DOCK7: variants seen among roughly 807,000 people sequenced by gnomAD.
DOCK7 encodes the protein dedicator of cytokinesis 7, also known as dedicator of cytokinesis protein 7.
DOCK7 carries 138 observed loss-of-function variants against 271.0 expected under a neutral mutation model. That is an observed-to-expected ratio of 0.51 (90% CI 0.44 to 0.59). The LOEUF (loss-of-function observed/expected upper bound fraction) is 0.59. Ranked by LOEUF, DOCK7 falls within the 20% of genes least tolerant of loss-of-function variation. The probability of loss-of-function intolerance (pLI) is 0.00; values close to 1 mark genes in which losing one functional copy is unlikely to be tolerated. For missense variants in DOCK7, 2,066 were observed against 2,592.4 expected (o/e 0.80, Z 4.41); for synonymous variants, 823 against 876.1 (o/e 0.94, Z 1.07).
chr1:62,658,767 T>C (rs186816632), intron 2 of DOCK7, among the ~76,000 whole-genome samples: 1 of 151,582 alleles, frequency 6.6e-6, no homozygotes, highest in Non-Finnish European at 1.5e-5. Flanking sequence ...CTGGGAAACA[T>C]GGCAAAACCT....
At chr1:62,504,478 G>T in intron 37 of DOCK7, 152 bp downstream of exon 37, 1 of 826,192 alleles carries the variant, frequency 1.2e-6, no homozygotes, top group Non-Finnish European at 1.8e-6. Flanking sequence ...ATTTTTGTAA[G>T]ATATACACAG....
chr1:62,527,008 A>G (rs1033088740), intron 31 of DOCK7, among the ~76,000 whole-genome samples: 1 of 152,190 alleles, frequency 6.6e-6, no homozygotes, highest in African/African-American at 2.4e-5. Flanking sequence ...CAACTCCGTA[A>G]ATATACTAAA....
intron 14 of DOCK7, chr1:62,604,622 A>G (rs780435526): frequency 1.9e-6 from 3 of 1,612,572 alleles, no homozygotes; most frequent in East Asian, 2.2e-5. Context: ...TTGCATATCT[A>G]TCTCCTTTAG....
chr1:62,588,333 C>T (rs577077319), intron 14 of DOCK7, among the ~76,000 whole-genome samples: 15 of 152,302 alleles, frequency 9.8e-5, no homozygotes, highest in African/African-American at 3.6e-4. Context: ...TATACACAGA[C>T]CACTTCAAAA....
At chr1:62,675,901 G>C (rs901278365) in intron 1 of DOCK7, among the ~76,000 whole-genome samples, 17 of 152,148 alleles carry the variant, frequency 1.1e-4, no homozygotes, top group Admixed American at 1.1e-3. Flanking sequence ...ACAAGTGTTA[G>C]CAAGCATATG....
chr1:62,598,056 C>A (rs775976787), intron 14 of DOCK7: 1 of 1,580,328 alleles, frequency 6.3e-7, no homozygotes. Context: ...AGTAACTTCA[C>A]TTAAAGTAAG....
In DOCK7 at chr1:62,504,692, T is replaced by C. The variant is rs374009939; in HGVS notation, c.4702A>G (p.Ile1568Val). The C allele has an allele frequency of 6.2e-7, 1 of 1,614,150 alleles. No individual in the cohort carries two copies. Among genetic ancestry groups the C allele is most frequent in the South Asian group, 1.1e-5 (1 of 91,080 alleles). Residue 1568 changes from isoleucine to valine, a missense_variant, in exon 37 of 50, where the codon ATA becomes GTA. Physicochemically the swap from Ile to Val is conservative, Grantham distance 29. Around this residue, in one of 2 missense-constraint regions of DOCK7, gnomAD observed 652 missense variants for 922.1 expected, o/e 0.71. Coordinates refer to ENST00000635253, the MANE Select transcript of DOCK7 (RefSeq NM_001367561.1). ...AGGGAGGCACTGGCGTGTGACCGTA[T>C]TGTACCGATGCTACTGCTACAGTGT... Reference protein sequence around the residue: ...LRHCSSSIGTIRSHASASLYL... With the variant: ...LRHCSSSIGTVRSHASASLYL...
intron 8 of DOCK7, 21 bp downstream of exon 8, chr1:62,636,516 G>A (rs1200548863): frequency 3.2e-6 from 5 of 1,554,234 alleles, no homozygotes; most frequent in Non-Finnish European, 4.4e-6. Flanking sequence ...AAATAACTAT[G>A]GTCAAATTAT....
At chr1:62,536,405 T>C (rs1321379563) in intron 28 of DOCK7, among the ~76,000 whole-genome samples, 1 of 152,208 alleles carries the variant, frequency 6.6e-6, no homozygotes, top group East Asian at 1.9e-4. Context: ...AGTAAGGAAT[T>C]AGATATAAAC....
At chr1:62,586,460 T>C (rs1647539540) in intron 15 of DOCK7, 47 bp downstream of exon 15, 2 of 1,421,128 alleles carry the variant, frequency 1.4e-6, no homozygotes, top group Non-Finnish European at 1.9e-6. Context: ...AAAAAGTCTA[T>C]TTGAACTTAA....
At chr1:62,462,414 G>C (rs1412637017) in intron 48 of DOCK7, among the ~76,000 whole-genome samples, 3 of 152,246 alleles carry the variant, frequency 2.0e-5, no homozygotes, top group Non-Finnish European at 2.9e-5. Context: ...GTAGTTAAGA[G>C]AGCATGACAT....
At chr1:62,623,570 C>T (rs1653551613) in intron 12 of DOCK7, among the ~76,000 whole-genome samples, 1 of 152,060 alleles carries the variant, frequency 6.6e-6, no homozygotes, top group African/African-American at 2.4e-5. Context: ...AAACAGCAGG[C>T]TGAAGAAATG....
At chr1:62,576,539 AATTT>A (rs1646946287) in intron 18 of DOCK7, among the ~76,000 whole-genome samples, 2 of 152,246 alleles carry the variant, frequency 1.3e-5, no homozygotes. Flanking sequence ...AATACATAAA[AATTT>A]ATTTGTGAAT....
intron 34 of DOCK7, 103 bp from the exon 35 acceptor site, chr1:62,508,161 A>C (rs1571335737): frequency 9.8e-7 from 1 of 1,025,350 alleles, no homozygotes; most frequent in Non-Finnish European, 1.4e-6. Flanking sequence ...ACCATTTTCA[A>C]TATTTGCCTG....
intron 4 of DOCK7, among the ~76,000 whole-genome samples, chr1:62,651,563 T>C (rs1001497255): frequency 6.6e-6 from 1 of 151,952 alleles, no homozygotes; most frequent in Non-Finnish European, 1.5e-5. Context: ...TATAGCTATT[T>C]CACTTTTCAG....
At chr1:62,467,764 T>C (rs1469447377) in intron 48 of DOCK7, among the ~76,000 whole-genome samples, 1 of 152,102 alleles carries the variant, frequency 6.6e-6, no homozygotes, top group African/African-American at 2.4e-5. Flanking sequence ...ATGAAGCCAG[T>C]ATCACCCTAC....
chr1:62,623,651 A>T (rs1051975616), intron 12 of DOCK7, among the ~76,000 whole-genome samples: 1 of 152,230 alleles, frequency 6.6e-6, no homozygotes, highest in African/African-American at 2.4e-5. Context: ...GGGAAGTAAC[A>T]TACCTGCAAG....
intron 48 of DOCK7, among the ~76,000 whole-genome samples, chr1:62,473,502 G>A (rs1036909570): frequency 2.0e-5 from 3 of 152,068 alleles, no homozygotes; most frequent in African/African-American, 4.8e-5. Context: ...TGTGGGAGAG[G>A]GGAATAAGTA....
At chr1:62,625,434 A>G in intron 11 of DOCK7, 33 bp from the exon 12 acceptor site, 1 of 1,565,106 alleles carries the variant, frequency 6.4e-7, no homozygotes, top group Non-Finnish European at 8.6e-7. Context: ...ATTCATTTTC[A>G]TAGAAGTTAA....
Sources: gnomAD v4.1 joint callset for allele counts (sites outside exome capture counted in the v4.1 genomes callset) on GRCh38, gnomAD v4.1.1 for gene constraint, gnomAD v4.1.1 regional missense constraint, MANE v1.5 for transcripts, NCBI Gene and HGNC (gene_info 2026-07-23, HGNC 2026-07-21) for gene names.